ZC3H12B: variants seen among roughly 807,000 people sequenced by gnomAD.
ZC3H12B encodes the protein probable ribonuclease ZC3H12B.
In ZC3H12B, 7 loss-of-function variants were observed where a neutral mutation model predicts 43.9. The observed-to-expected ratio is 0.16, with a 90% CI of 0.09 to 0.30. The LOEUF (loss-of-function observed/expected upper bound fraction) is 0.30, where lower values mean the gene tolerates loss of function less well. Ranked by LOEUF, ZC3H12B falls within the 10% of genes least tolerant of loss-of-function variation. The pLI, the probability that ZC3H12B is intolerant of heterozygous loss-of-function variation, is 1.00. For synonymous variants in ZC3H12B, 222 were observed against 241.7 expected (o/e 0.92, Z 0.76); for missense variants, 475 against 670.2 (o/e 0.71, Z 3.22).
chrX:65,412,248 C>CTTGCTTTTGTGCCTTGCTT (rs2066912537), intron 3 of ZC3H12B, among the ~76,000 whole-genome samples: 1 of 111,534 alleles, frequency 9.0e-6, no homozygotes, highest in Non-Finnish European at 1.9e-5. Context: ...CAATATGTGA[C>CTTGCTTTTGTGCCTTGCTT]CTTTTGTGCC....
the ZC3H12B span, among the ~76,000 whole-genome samples, chrX:65,197,181 C>T: frequency 8.9e-6 from 1 of 111,879 alleles, no homozygotes; most frequent in African/African-American, 3.2e-5. Flanking sequence ...ACTACAGCGT[C>T]CGCCCTGGCC....
chrX:65,245,251 A>G, the ZC3H12B span, among the ~76,000 whole-genome samples: 8 of 111,717 alleles, frequency 7.2e-5, no homozygotes, highest in African/African-American at 2.6e-4. Flanking sequence ...GCAGTAAAAA[A>G]TAGCCTACCA....
At chrX:65,494,435 C>CA (rs905775269) in intron 1 of ZC3H12B, among the ~76,000 whole-genome samples, 2 of 109,665 alleles carry the variant, frequency 1.8e-5, no homozygotes, top group Non-Finnish European at 3.8e-5. Context: ...GGCAGGGTCT[C>CA]ACCATGTTGC....
At chrX:65,049,519 G>A in the ZC3H12B span, among the ~76,000 whole-genome samples, 211 of 110,940 alleles carry the variant, frequency 1.9e-3, 6 homozygotes, top group East Asian at 0.049. Flanking sequence ...TATTCTTTTC[G>A]AAATTGGTAT....
intron 2 of ZC3H12B, among the ~76,000 whole-genome samples, chrX:65,397,780 G>T (rs1024760585): frequency 9.0e-6 from 1 of 111,712 alleles, no homozygotes; most frequent in Non-Finnish European, 1.9e-5. Context: ...GTCCAAGCTA[G>T]ACCAATCAGA....
the ZC3H12B span, among the ~76,000 whole-genome samples, chrX:65,167,302 C>A: frequency 8.9e-6 from 1 of 111,905 alleles, no homozygotes; most frequent in Admixed American, 9.5e-5. Context: ...AATAGGGAAT[C>A]CTTTCCCCAT....
the ZC3H12B span, among the ~76,000 whole-genome samples, chrX:65,257,773 A>G: frequency 9.0e-6 from 1 of 111,181 alleles, no homozygotes; most frequent in Admixed American, 9.6e-5. Context: ...CACAAACTAG[A>G]AAACCTAGAA....
At chrX:65,135,964 G>GAA in the ZC3H12B span, among the ~76,000 whole-genome samples, 8 of 110,871 alleles carry the variant, frequency 7.2e-5, no homozygotes, top group African/African-American at 2.6e-4. Flanking sequence ...GTTGTTTACT[G>GAA]AAGCATTTCT....
chrX:65,059,602 A>G, the ZC3H12B span, among the ~76,000 whole-genome samples: 3 of 111,081 alleles, frequency 2.7e-5, no homozygotes, highest in Non-Finnish European at 5.7e-5. Flanking sequence ...TGCCAGTACC[A>G]TGGTTTTTTG....
the ZC3H12B span, among the ~76,000 whole-genome samples, chrX:65,183,380 CAAAG>C: frequency 8.1e-5 from 9 of 110,784 alleles, no homozygotes; most frequent in African/African-American, 2.9e-4. Context: ...CATATGGACA[CAAAG>C]AAGATAACAG....
At chrX:65,502,251 T>A (rs758461393) in exon 5 of ZC3H12B, 4 of 1,209,419 alleles carry the variant, frequency 3.3e-6, no homozygotes, top group Non-Finnish European at 4.5e-6. Flanking sequence ...TATCCTCCCA[T>A]CTTGGTTACC....
the ZC3H12B span, among the ~76,000 whole-genome samples, chrX:65,082,368 C>T: frequency 9.0e-6 from 1 of 111,011 alleles, no homozygotes; most frequent in African/African-American, 3.3e-5. Flanking sequence ...AATTTATAAA[C>T]GTTTAGGCAA....
chrX:65,223,975 C>A, the ZC3H12B span, among the ~76,000 whole-genome samples: 7 of 112,153 alleles, frequency 6.2e-5, no homozygotes, highest in South Asian at 2.6e-3. Flanking sequence ...GAAAAGAAGT[C>A]ATTATATGAA....
chrX:65,222,608 TAATA>T, the ZC3H12B span, among the ~76,000 whole-genome samples: 6 of 67,134 alleles, frequency 8.9e-5, no homozygotes, highest in Admixed American at 3.0e-4. Flanking sequence ...TGCAAAATAA[TAATA>T]ATAATAATAA....
the ZC3H12B span, among the ~76,000 whole-genome samples, chrX:65,047,594 G>A: frequency 9.0e-6 from 1 of 110,925 alleles, no homozygotes; most frequent in African/African-American, 3.3e-5. Flanking sequence ...CTGTAATTCT[G>A]CTATTTCATG....
the ZC3H12B span, among the ~76,000 whole-genome samples, chrX:65,293,301 A>G: frequency 2.7e-5 from 3 of 110,690 alleles, no homozygotes; most frequent in East Asian, 8.5e-4. Context: ...GGGGAAGGGA[A>G]AGAGCACAAC....
chrX:65,288,945 A>G, the ZC3H12B span, among the ~76,000 whole-genome samples: 1 of 111,568 alleles, frequency 9.0e-6, no homozygotes, highest in African/African-American at 3.2e-5. Context: ...TATACATTAA[A>G]AATGTTCTAG....
At chrX:65,440,921 T>A (rs2067293232) in intron 3 of ZC3H12B, among the ~76,000 whole-genome samples, 1 of 112,672 alleles carries the variant, frequency 8.9e-6, no homozygotes, top group Non-Finnish European at 1.9e-5. Context: ...CATTGTTCTA[T>A]CCAAATTGGC....
the ZC3H12B span, among the ~76,000 whole-genome samples, chrX:65,151,008 A>T: frequency 5.4e-5 from 6 of 112,072 alleles, no homozygotes; most frequent in Non-Finnish European, 9.4e-5. Flanking sequence ...AACATGTATA[A>T]TAATTCATTT....
Sources: gnomAD v4.1 joint callset for allele counts (sites outside exome capture counted in the v4.1 genomes callset) on GRCh38, gnomAD v4.1.1 for gene constraint, MANE v1.5 for transcripts, NCBI Gene and HGNC (gene_info 2026-07-23, HGNC 2026-07-21) for gene names.